EPB41L4A: variants seen among roughly 807,000 people sequenced by gnomAD.
EPB41L4A encodes band 4.1-like protein 4A.
A neutral mutation model predicts 108.6 loss-of-function variants in EPB41L4A; 100 were observed. The ratio of observed to expected loss-of-function variants is 0.92; its 90% CI spans 0.78 to 1.09. The LOEUF is 1.09. Ranked by LOEUF, EPB41L4A falls within the 50% of genes least tolerant of loss-of-function variation. The pLI, the probability that EPB41L4A is intolerant of heterozygous loss-of-function variation, is 0.00. For missense variants in EPB41L4A, 1,030 were observed against 842.7 expected (o/e 1.22, Z -2.75); for synonymous variants, 319 against 289.0 (o/e 1.10, Z -1.05).
At chr5:112,215,854 G>A (rs1430940998) in intron 12 of EPB41L4A, among the ~76,000 whole-genome samples, 1 of 151,956 alleles carries the variant, frequency 6.6e-6, no homozygotes, top group Non-Finnish European at 1.5e-5. Flanking sequence ...GTCAGTCGGG[G>A]AGTGCTATCA....
intron 7 of EPB41L4A, among the ~76,000 whole-genome samples, chr5:112,260,357 C>T (rs1374044806): frequency 1.3e-5 from 2 of 152,192 alleles, no homozygotes; most frequent in Non-Finnish European, 2.9e-5. Context: ...ACAGTTAAAT[C>T]AGAATCTCTA....
chr5:112,376,248 T>C (rs1421665401), intron 1 of EPB41L4A, among the ~76,000 whole-genome samples: 1 of 152,174 alleles, frequency 6.6e-6, no homozygotes, highest in Admixed American at 6.5e-5. Context: ...CCAAAGAGGA[T>C]ACAGATGGCA....
chr5:112,270,322 G>A (rs1402213563), intron 4 of EPB41L4A, among the ~76,000 whole-genome samples: 1 of 152,158 alleles, frequency 6.6e-6, no homozygotes, highest in Non-Finnish European at 1.5e-5. Flanking sequence ...ACCTAGAGGA[G>A]AGTACCAACC....
chr5:112,161,327 C>T (rs763034862), downstream of EPB41L4A: 1 of 368,238 alleles, frequency 2.7e-6, no homozygotes, highest in Non-Finnish European at 5.4e-6. Flanking sequence ...AGACCAGTCG[C>T]CATTTAAAAC....
chr5:112,241,118 C>T (rs970640295), intron 9 of EPB41L4A, among the ~76,000 whole-genome samples: 1 of 152,028 alleles, frequency 6.6e-6, no homozygotes, highest in African/African-American at 2.4e-5. Context: ...TAAATGGCCA[C>T]TAATACAGGA....
intron 2 of EPB41L4A, among the ~76,000 whole-genome samples, chr5:112,304,696 T>C (rs1164688085): frequency 6.6e-6 from 1 of 152,168 alleles, no homozygotes; most frequent in African/African-American, 2.4e-5. Flanking sequence ...CCAGCAATAT[T>C]TTCTCCCATC....
intron 1 of EPB41L4A, among the ~76,000 whole-genome samples, chr5:112,390,512 TA>T (rs773097967): frequency 3.3e-4 from 50 of 152,234 alleles, no homozygotes; most frequent in Middle Eastern, 3.4e-3. Flanking sequence ...CTGCCACTGC[TA>T]AAGCTTGAGT....
chr5:112,242,872 G>A (rs1419388519), intron 9 of EPB41L4A, among the ~76,000 whole-genome samples: 1 of 152,104 alleles, frequency 6.6e-6, no homozygotes, highest in African/African-American at 2.4e-5. Flanking sequence ...ATTTTGAAAG[G>A]AATCCTTTTT....
chr5:112,294,349 G>A (rs1043659368), intron 2 of EPB41L4A, among the ~76,000 whole-genome samples: 4 of 152,234 alleles, frequency 2.6e-5, no homozygotes, highest in African/African-American at 7.2e-5. Context: ...GGCCCACACA[G>A]TCCAGGCGAG....
intron 7 of EPB41L4A, among the ~76,000 whole-genome samples, chr5:112,260,291 A>G (rs796466961): frequency 2.6e-5 from 4 of 152,352 alleles, no homozygotes; most frequent in African/African-American, 9.6e-5. Flanking sequence ...TCCTAGCAAC[A>G]TATTAACTGG....
intron 4 of EPB41L4A, among the ~76,000 whole-genome samples, chr5:112,272,673 C>A (rs951797442): frequency 1.4e-5 from 2 of 146,786 alleles, no homozygotes; most frequent in Non-Finnish European, 3.0e-5. Flanking sequence ...CCCAGCTACT[C>A]GGGAGGCTAA....
chr5:112,279,146 T>C (rs62364138), intron 3 of EPB41L4A, among the ~76,000 whole-genome samples: 11,468 of 151,588 alleles, frequency 0.076, 522 homozygotes, highest in Middle Eastern at 0.11. Context: ...TCAAATATGC[T>C]AGAGCTGTAA....
intron 12 of EPB41L4A, among the ~76,000 whole-genome samples, chr5:112,220,088 G>T (rs2150334510): frequency 6.6e-6 from 1 of 152,250 alleles, no homozygotes; most frequent in Non-Finnish European, 1.5e-5. Context: ...TTTTTTGCTA[G>T]AATGAAACAG....
At chr5:112,243,275 G>GTGTA (rs1554083451) in intron 9 of EPB41L4A, among the ~76,000 whole-genome samples, 6 of 130,652 alleles carry the variant, frequency 4.6e-5, no homozygotes, top group African/African-American at 1.7e-4. Flanking sequence ...ATATGTGTGT[G>GTGTA]TATATATATA....
At chr5:112,234,183 AT>A (rs1215876307) in intron 12 of EPB41L4A, among the ~76,000 whole-genome samples, 8 of 122,038 alleles carry the variant, frequency 6.6e-5, no homozygotes. Context: ...AATAAATAAA[AT>A]TAAAATAAAA....
At chr5:112,241,384 T>C (rs1749772759) in intron 9 of EPB41L4A, among the ~76,000 whole-genome samples, 1 of 152,206 alleles carries the variant, frequency 6.6e-6, no homozygotes, top group African/African-American at 2.4e-5. Context: ...ATACATAAAA[T>C]ATCATATAAT....
intron 1 of EPB41L4A, among the ~76,000 whole-genome samples, chr5:112,408,300 G>A (rs1047491899): frequency 1.3e-5 from 2 of 152,066 alleles, no homozygotes; most frequent in Admixed American, 1.3e-4. Flanking sequence ...TTAGGCAATG[G>A]TTTCTCAGAT....
intron 18 of EPB41L4A, chr5:112,175,387 GATCTA>G (rs1272162791): frequency 6.6e-6 from 1 of 152,176 alleles, no homozygotes. Flanking sequence ...TTTTAACAGA[GATCTA>G]ATCATATTTC....
At chr5:112,217,070 G>C (rs558366161) in intron 12 of EPB41L4A, among the ~76,000 whole-genome samples, 1 of 151,242 alleles carries the variant, frequency 6.6e-6, no homozygotes, top group African/African-American at 2.4e-5. Flanking sequence ...TCAGCCTCCC[G>C]AGTAGCTGGG....
Sources: gnomAD v4.1 joint callset for allele counts (sites outside exome capture counted in the v4.1 genomes callset) on GRCh38, gnomAD v4.1.1 for gene constraint, MANE v1.5 for transcripts, NCBI Gene and HGNC (gene_info 2026-07-23, HGNC 2026-07-21) for gene names.